HUS1B: variants seen among roughly 807,000 people sequenced by gnomAD.
HUS1B encodes the protein HUS1 checkpoint clamp component B, also known as checkpoint protein HUS1B.
For synonymous variants in HUS1B, 207 were observed against 176.2 expected (o/e 1.17, Z -1.38); for missense variants, 475 against 390.4 (o/e 1.22, Z -1.83).
Position 656,505 on chromosome 6 carries a change from G to C in HUS1B, c.440C>G (p.Pro147Arg). 1.2e-6 allele frequency: 2 copies of C among 1,605,892 alleles called. No homozygotes were observed. Among genetic ancestry groups the C allele is most frequent in the Non-Finnish European group, 1.7e-6 (2 of 1,177,962 alleles). The part of the protein sequence containing the change: ...LPRRVWRDCL[P>R]PSLRASDASI... Reference sequence around the variant, plus strand: ...CGCGTCGGAGGCGCGCAGGCTGGGCGGCAGGCAGTCCCGCCACACTCTCCT... The same window carrying C: ...CGCGTCGGAGGCGCGCAGGCTGGGCCGCAGGCAGTCCCGCCACACTCTCCT... The change falls in exon 1 of 1, where the codon CCG becomes CGG. Residue 147 changes from proline (P) to arginine (R), a missense_variant. Physicochemically the swap from Pro to Arg is moderately radical, Grantham distance 103 (BLOSUM62 -2). Coordinates refer to ENST00000380907, the MANE Select transcript of HUS1B (RefSeq NM_148959.4).
rs539756816 is a variant in HUS1B at position 656,912 on chromosome 6, G to C, written c.33C>G (p.Gly11=). Residue 11 remains glycine (G), a synonymous_variant, in exon 1 of 1, where the codon GGC becomes GGG. Transcript: ENST00000380907. MKFRAKITGK[G]CLELFIHVSG... is the part of the protein sequence containing the mutation. The stretch of plus-strand genomic sequence containing the variant: ...TGACGTGAATGAACAGCTCTAGACA[G>C]CCTTTGCCGGTGATCTTGGCGCGAA... The C allele has an allele frequency of 6.5e-7, 1 of 1,541,232 alleles. No individual in the cohort carries two copies. Among genetic ancestry groups the C allele is most frequent in the South Asian group, 1.2e-5 (1 of 80,974 alleles).
At position 656,158 on chromosome 6, in the gene HUS1B, C is replaced by G; in HGVS notation, c.787G>C (p.Val263Leu). ...AGAGAGACATCTTCTTGAACCAAAA[C>G]AAGCTGAAGAAGAGTATTGTCCCAA... is the stretch of plus-strand genomic sequence containing the variant. ...NIWDNTLLQL[V>L]LVQEDVSLQY... is the part of the protein sequence containing the mutation. The change falls in exon 1 of 1, where the codon GTT becomes CTT. Residue 263 changes from valine (V) to leucine (L), a missense_variant. By Grantham distance (32) the Val-to-Leu change is conservative. Coordinates refer to ENST00000380907, the MANE Select transcript of HUS1B (RefSeq NM_148959.4). 2 of 1,614,102 alleles carry G rather than the reference C, an allele frequency of 1.2e-6. No individual in the cohort carries two copies. The highest frequency in any genetic ancestry group is 2.2e-5 in the South Asian group (2 of 91,082).
rs151331596 is a variant in HUS1B, at chr6:656,878, C to A, written c.67G>T (p.Val23Phe). ...LELFIHVSGT[V>F]ARLAKVCVLR... Reference sequence around the variant, plus strand: ...ACGCAGACCTTCGCTAGCCTCGCGACGGTGCCGCTGACGTGAATGAACAGC... The same window carrying A: ...ACGCAGACCTTCGCTAGCCTCGCGAAGGTGCCGCTGACGTGAATGAACAGC... The change falls in exon 1 of 1, where the codon GTC (valine) becomes TTC (phenylalanine). Residue 23 changes from valine (V) to phenylalanine (F), a missense_variant. Transcript: ENST00000380907. 4 of 1,603,856 alleles carry A rather than the reference C, an allele frequency of 2.5e-6. No individual in the cohort carries two copies. Among genetic ancestry groups the A allele is most frequent in the South Asian group, 2.2e-5 (2 of 90,098 alleles).
chr6:656,930 G>C lies in HUS1B; in HGVS notation c.15C>G (p.Ala5=), dbSNP rs138504161. 1 of 1,525,480 alleles carries C rather than the reference G, an allele frequency of 6.6e-7. No homozygotes were observed. The highest frequency in any genetic ancestry group is 1.4e-5 in the African/African-American group (1 of 70,808). The allele number at this position is 1,525,480 out of a possible 1,614,324, so 94.5% of individuals were successfully genotyped here. The change falls in exon 1 of 1, where the codon GCC becomes GCG. Residue 5 remains alanine (A), a synonymous_variant. Coordinates refer to ENST00000380907, the MANE Select transcript of HUS1B (RefSeq NM_148959.4). The stretch of plus-strand genomic sequence containing the variant: ...CTAGACAGCCTTTGCCGGTGATCTT[G>C]GCGCGAAACTTCATGATGCCACAGG... MKFR[A]KITGKGCLEL... is the part of the protein sequence containing the mutation.
chr6:656,697 G>A lies in HUS1B; in HGVS notation c.248C>T (p.Thr83Met). The change falls in exon 1 of 1, where the codon ACG becomes ATG. Residue 83 changes from threonine to methionine, a missense_variant. Physicochemically the swap from Thr to Met is moderately conservative, Grantham distance 81. Transcript: ENST00000380907. Reference sequence around the variant, plus strand: ...CGCCGCCCGGGACAGGTGCTCCGCCGTCAGCTCCAGGTGGATCTCATCGAG... The same window carrying A: ...CGCCGCCCGGGACAGGTGCTCCGCCATCAGCTCCAGGTGGATCTCATCGAG... ...EDLDEIHLEL[T>M]AEHLSRAARS... The A allele has an allele frequency of 1.2e-6, 2 of 1,605,330 alleles. No homozygotes were observed. The highest frequency in any genetic ancestry group is 1.7e-6 in the Non-Finnish European group (2 of 1,175,916).
rs927160848 is a variant in HUS1B, at chr6:656,558, C to T, written c.387G>A (p.Val129=). 6.3e-7 allele frequency: 1 copy of T among 1,594,242 alleles called. No individual in the cohort carries two copies. The highest frequency in any genetic ancestry group is 1.3e-5 in the African/African-American group (1 of 74,626). ...VSSLGRARSV[V]HDLPVRVLPR... ...GAAGCACCCGCACGGGCAGATCGTG[C>T]ACCACGCTGCGAGCGCGGCCCAGGG... Residue 129 remains valine, a synonymous_variant, in exon 1 of 1, where the codon GTG becomes GTA. Coordinates refer to ENST00000380907, the MANE Select transcript of HUS1B (RefSeq NM_148959.4).
rs1241994314 is a variant in HUS1B at position 657,068 on chromosome 6, GCACTC to G, written c.-129_-125del. The G allele has an allele frequency of 1.5e-5, 12 of 809,160 alleles. No homozygotes were observed. Among genetic ancestry groups the G allele is most frequent in the Non-Finnish European group, 2.2e-5 (12 of 541,970 alleles). 50.1% of individuals were successfully genotyped at this position (809,160 alleles called of 1,614,324 possible). On this transcript the variant is annotated 5_prime_UTR_variant, in exon 1 of 1. Coordinates refer to ENST00000380907, the MANE Select transcript of HUS1B (RefSeq NM_148959.4). Reference sequence around the variant, plus strand: ...TCCCTCCGGCCCCCCAGCTAGGCAGGCACTCGGGTTCCCGGTTGCGGTTGCGGGTT... The same window carrying G: ...TCCCTCCGGCCCCCCAGCTAGGCAGGGGGTTCCCGGTTGCGGTTGCGGGTT...
rs893878017 is a variant in HUS1B at position 656,921 on chromosome 6, G to T, written c.24C>A (p.Thr8=). 1 of 1,533,136 alleles carries T rather than the reference G, an allele frequency of 6.5e-7. No homozygotes were observed. Among genetic ancestry groups the T allele is most frequent in the African/African-American group, 1.4e-5 (1 of 71,032 alleles). 95.0% of individuals were successfully genotyped at this position (1,533,136 alleles called of 1,614,324 possible). MKFRAKI[T]GKGCLELFIH... ...TGAACAGCTCTAGACAGCCTTTGCCGGTGATCTTGGCGCGAAACTTCATGA... is the reference window on the plus strand; with the variant it reads ...TGAACAGCTCTAGACAGCCTTTGCCTGTGATCTTGGCGCGAAACTTCATGA... Residue 8 remains threonine (T), a synonymous_variant, in exon 1 of 1, where the codon ACC becomes ACA. Coordinates refer to ENST00000380907, the MANE Select transcript of HUS1B (RefSeq NM_148959.4).
In HUS1B at chr6:656,361, G is replaced by A. The variant is rs1489397668; in HGVS notation, c.584C>T (p.Thr195Met). ...LSGRMTLSIE[T>M]EVVSIQSYFK... ...ATAACTTTGAATGGACACCACCTCC[G>A]TCTCTATACTCAGGGTCATCCTGCC... Residue 195 changes from threonine (T) to methionine (M), a missense_variant, in exon 1 of 1, where the codon ACG (threonine) becomes ATG (methionine). Transcript: ENST00000380907. 2 of 1,614,182 alleles carry A rather than the reference G, an allele frequency of 1.2e-6. No homozygotes were observed. The highest frequency in any genetic ancestry group is 1.7e-6 in the Non-Finnish European group (2 of 1,180,034).
Position 656,526 on chromosome 6 carries a change from C to G in HUS1B, c.419G>C (p.Arg140Thr). ...GGGCGGCAGGCAGTCCCGCCACACT[C>G]TCCTGGGAAGCACCCGCACGGGCAG... The part of the protein sequence containing the change: ...HDLPVRVLPR[R>T]VWRDCLPPSL... The change falls in exon 1 of 1, where the codon AGA becomes ACA. Residue 140 changes from arginine (R) to threonine (T), a missense_variant. Arg to Thr is a moderately conservative substitution (Grantham distance 71). Coordinates refer to ENST00000380907, the MANE Select transcript of HUS1B (RefSeq NM_148959.4). 1 of 1,604,540 alleles carries G rather than the reference C, an allele frequency of 6.2e-7. No individual in the cohort carries two copies. The highest frequency in any genetic ancestry group is 8.5e-7 in the Non-Finnish European group (1 of 1,177,154).
rs767973630 is a variant in HUS1B at position 656,516 on chromosome 6, C to T, written c.429G>A (p.Arg143=). ...PVRVLPRRVW[R]DCLPPSLRAS... The stretch of plus-strand genomic sequence containing the variant: ...CGCGCAGGCTGGGCGGCAGGCAGTC[C>T]CGCCACACTCTCCTGGGAAGCACCC... Residue 143 remains arginine (R), a synonymous_variant, in exon 1 of 1, where the codon CGG becomes CGA. Transcript: ENST00000380907. 1.2e-6 allele frequency: 2 copies of T among 1,605,612 alleles called. No individual in the cohort carries two copies. The highest frequency in any genetic ancestry group is 1.7e-6 in the Non-Finnish European group (2 of 1,178,020).
chr6:656,392 G>C lies in HUS1B; in HGVS notation c.553C>G (p.Leu185Val), dbSNP rs750894700. The C allele has an allele frequency of 1.2e-6, 2 of 1,614,196 alleles. No homozygotes were observed. Among genetic ancestry groups the C allele is most frequent in the South Asian group, 2.2e-5 (2 of 91,088 alleles). ...ATACTCAGGGTCATCCTGCCACTGAGGTTTGCTTCCACCAGCACGTGACTG... is the reference window on the plus strand; with the variant it reads ...ATACTCAGGGTCATCCTGCCACTGACGTTTGCTTCCACCAGCACGTGACTG... ...VGSHVLVEAN[L>V]SGRMTLSIET... Residue 185 changes from leucine to valine, a missense_variant, in exon 1 of 1, where the codon CTC (leucine) becomes GTC (valine). By Grantham distance (32) the Leu-to-Val change is conservative. Coordinates refer to ENST00000380907, the MANE Select transcript of HUS1B (RefSeq NM_148959.4).
rs1220137012 is a variant in HUS1B, at chr6:657,011, C to T, written c.-67G>A. On this transcript the variant is annotated 5_prime_UTR_variant, in exon 1 of 1. Transcript: ENST00000380907. ...CCGCGTGCCACAAGCCCTTCCGGTC[C>T]GCTGGGGTCCGTGGCGCTGCCCTCC... 7.5e-7 allele frequency: 1 copy of T among 1,325,114 alleles called. No homozygotes were observed. Among genetic ancestry groups the T allele is most frequent in the Non-Finnish European group, 1.0e-6 (1 of 982,904 alleles). 82.1% of individuals were successfully genotyped at this position (1,325,114 alleles called of 1,614,324 possible). A position where few individuals can be genotyped will look rare whatever the true frequency, so the allele number is the denominator to read the frequency against.
Position 656,785 on chromosome 6 carries a change from G to A in HUS1B, c.160C>T (p.Leu54=). ...GCCCCCTGCCGCACCTCGCACCACA[G>A]CCTGGCCTCGTGGAGGCCGCCGGAA... ...AGSGGLHEAR[L]WCEVRQGAFQ... The change falls in exon 1 of 1, where the codon CTG becomes TTG. Residue 54 remains leucine (L), a synonymous_variant. Transcript: ENST00000380907. The A allele has an allele frequency of 1.2e-6, 2 of 1,602,246 alleles. No homozygotes were observed. Among genetic ancestry groups the A allele is most frequent in the Non-Finnish European group, 1.7e-6 (2 of 1,173,172 alleles).
In HUS1B at chr6:656,878, C is replaced by T. The variant is rs151331596; in HGVS notation, c.67G>A (p.Val23Ile). Reference sequence around the variant, plus strand: ...ACGCAGACCTTCGCTAGCCTCGCGACGGTGCCGCTGACGTGAATGAACAGC... The same window carrying T: ...ACGCAGACCTTCGCTAGCCTCGCGATGGTGCCGCTGACGTGAATGAACAGC... ...LELFIHVSGT[V>I]ARLAKVCVLR... is the part of the protein sequence containing the mutation. Residue 23 changes from valine to isoleucine, a missense_variant, in exon 1 of 1, where the codon GTC (valine) becomes ATC (isoleucine). Coordinates refer to ENST00000380907, the MANE Select transcript of HUS1B (RefSeq NM_148959.4). 51 of 1,603,738 alleles carry T rather than the reference C, an allele frequency of 3.2e-5. No individual in the cohort carries two copies. The highest frequency in any genetic ancestry group is 4.2e-5 in the Non-Finnish European group (49 of 1,173,556).
chr6:656,168 A>G lies in HUS1B; in HGVS notation c.777T>C (p.Leu259=). Residue 259 remains leucine, a synonymous_variant, in exon 1 of 1, where the codon CTT becomes CTC. Transcript: ENST00000380907. ...CTTCTTGAACCAAAACAAGCTGAAG[A>G]AGAGTATTGTCCCAAATATTGCACA... ...TALCNIWDNT[L]LQLVLVQEDV... The G allele has an allele frequency of 6.2e-7, 1 of 1,614,126 alleles. No homozygotes were observed. The highest frequency in any genetic ancestry group is 8.5e-7 in the Non-Finnish European group (1 of 1,179,990).
chr6:656,459 C>G lies in HUS1B; in HGVS notation c.486G>C (p.Trp162Cys). Residue 162 changes from tryptophan to cysteine, a missense_variant, in exon 1 of 1, where the codon TGG (tryptophan) becomes TGC (cysteine). Coordinates refer to ENST00000380907, the MANE Select transcript of HUS1B (RefSeq NM_148959.4). Reference sequence around the variant, plus strand: ...TCTCCACGATGCTCCTCAGCGTCCTCCAGCGCGGCAGGCGGATGCTCGCGT... The same window carrying G: ...TCTCCACGATGCTCCTCAGCGTCCTGCAGCGCGGCAGGCGGATGCTCGCGT... ...ASDASIRLPR[W>C]RTLRSIVERM... The G allele has an allele frequency of 6.2e-7, 1 of 1,612,746 alleles. No individual in the cohort carries two copies.
chr6:657,010 C>T lies in HUS1B; in HGVS notation c.-66G>A, dbSNP rs1763156390. 6 of 1,325,464 alleles carry T rather than the reference C, an allele frequency of 4.5e-6. No individual in the cohort carries two copies. The highest frequency in any genetic ancestry group is 6.1e-6 in the Non-Finnish European group (6 of 982,932). The allele number at this position is 1,325,464 out of a possible 1,614,324, so 82.1% of individuals were successfully genotyped here. On this transcript the variant is annotated 5_prime_UTR_variant, in exon 1 of 1. Coordinates refer to ENST00000380907, the MANE Select transcript of HUS1B (RefSeq NM_148959.4). Reference sequence around the variant, plus strand: ...TCCGCGTGCCACAAGCCCTTCCGGTCCGCTGGGGTCCGTGGCGCTGCCCTC... The same window carrying T: ...TCCGCGTGCCACAAGCCCTTCCGGTTCGCTGGGGTCCGTGGCGCTGCCCTC...
the HUS1B span, chr6:656,538 AC>A: frequency 6.2e-7 from 1 of 1,602,372 alleles, no homozygotes; most frequent in Non-Finnish European, 8.5e-7. Context: ...CCTGGGAAGC[AC>A]CCGCACGGGC....
Sources: gnomAD v4.1 joint callset for allele counts on GRCh38, gnomAD v4.1.1 for gene constraint, MANE v1.5 for transcripts, NCBI Gene and HGNC (gene_info 2026-07-23, HGNC 2026-07-21) for gene names.